EML4: variants seen among roughly 807,000 people sequenced by gnomAD.
The protein encoded by EML4 is EMAP like 4.
A neutral mutation model predicts 129.0 loss-of-function variants in EML4; 72 were observed. That is an observed-to-expected ratio of 0.56 (90% CI 0.46 to 0.68). The LOEUF (loss-of-function observed/expected upper bound fraction) is 0.68, where lower values mean the gene tolerates loss of function less well. Ranked by LOEUF, EML4 falls within the 30% of genes least tolerant of loss-of-function variation. EML4 has a pLI of 0.00. For missense variants in EML4, 1,363 were observed against 1,190.6 expected, an observed-to-expected ratio of 1.14 and a Z score of -2.13; for synonymous variants, 532 against 405.0, an observed-to-expected ratio of 1.31 and a Z score of -3.77.
chr2:42,212,139 C>T (rs1036180451), intron 1 of EML4, among the ~76,000 whole-genome samples: 7 of 152,102 alleles, frequency 4.6e-5, no homozygotes, highest in African/African-American at 1.7e-4. Context: ...AGCTACCGTG[C>T]CTGATCCCCA....
chr2:42,271,218 C>G (rs557948442), intron 6 of EML4, among the ~76,000 whole-genome samples: 2 of 152,298 alleles, frequency 1.3e-5, no homozygotes, highest in African/African-American at 4.8e-5. Context: ...CATACTGTCC[C>G]TTTTAATAAC....
chr2:42,297,153 G>A (rs1287770293), intron 13 of EML4, among the ~76,000 whole-genome samples: 3 of 152,116 alleles, frequency 2.0e-5, no homozygotes, highest in African/African-American at 4.8e-5. Context: ...TGGGTTGAGG[G>A]TTCTTAAAAA....
chr2:42,270,351 G>T (rs1189773858), intron 6 of EML4, among the ~76,000 whole-genome samples: 1 of 152,170 alleles, frequency 6.6e-6, no homozygotes, highest in Non-Finnish European at 1.5e-5. Flanking sequence ...TTGAGCTCAG[G>T]AGTTCAAGAT....
chr2:42,259,564 A>G (rs1158305342), intron 3 of EML4, among the ~76,000 whole-genome samples: 5 of 152,142 alleles, frequency 3.3e-5, no homozygotes, highest in Non-Finnish European at 4.4e-5. Context: ...TCTCTGATCA[A>G]ATTCCTTGTT....
chr2:42,210,107 C>G (rs1371110042), intron 1 of EML4, among the ~76,000 whole-genome samples: 1 of 152,130 alleles, frequency 6.6e-6, no homozygotes, highest in Non-Finnish European at 1.5e-5. Flanking sequence ...CCCAATAACA[C>G]ATTGTATTAA....
chr2:42,301,838 C>T (rs867128252), intron 14 of EML4, among the ~76,000 whole-genome samples: 4 of 152,050 alleles, frequency 2.6e-5, no homozygotes, highest in Non-Finnish European at 5.9e-5. Flanking sequence ...TAATCACAAC[C>T]TTCAGTTCAT....
Position 42,220,344 on chromosome 2 carries a change from T to A in EML4, c.26-25161T>A, listed in dbSNP as rs961332349. On this transcript the variant is annotated intron_variant, in intron 1 of 22. Coordinates refer to ENST00000318522, the MANE Select transcript of EML4 (RefSeq NM_019063.5). ...AGCATGTGTACCCACTTCATCTGTG[T>A]CACGTTTTGCTAGTTCTCACAGTAT... Among the ~76,000 whole-genome samples, 13 of 151,998 alleles carry A rather than the reference T, an allele frequency of 8.6e-5. No homozygotes were observed. The South Asian group carries it at 1.2e-3, about 15-fold the overall frequency.
chr2:42,209,747 C>T (rs1299237299), intron 1 of EML4, among the ~76,000 whole-genome samples: 2 of 152,040 alleles, frequency 1.3e-5, no homozygotes, highest in Admixed American at 6.5e-5. Flanking sequence ...CTGACCAACA[C>T]GGAGAAACCC....
chr2:42,280,828 C>G (rs376450332), intron 6 of EML4, 22 bp from the exon 7 acceptor site: 14 of 1,588,590 alleles, frequency 8.8e-6, no homozygotes, highest in African/African-American at 5.4e-5. Flanking sequence ...TATGACTTAA[C>G]TTTTGTCTTG....
At chr2:42,182,519 C>A (rs1389638535) in intron 1 of EML4, among the ~76,000 whole-genome samples, 3 of 152,154 alleles carry the variant, frequency 2.0e-5, no homozygotes, top group Non-Finnish European at 4.4e-5. Context: ...GACCTCCTTA[C>A]ACACTTGCCT....
intron 1 of EML4, among the ~76,000 whole-genome samples, chr2:42,206,105 G>A (rs558361346): frequency 6.6e-5 from 10 of 152,216 alleles, no homozygotes; most frequent in Middle Eastern, 6.8e-3. Flanking sequence ...ACGTTTGTAC[G>A]ACATTTTTAA....
chr2:42,230,626 A>G (rs1219099787), intron 1 of EML4, among the ~76,000 whole-genome samples: 1 of 152,054 alleles, frequency 6.6e-6, no homozygotes, highest in African/African-American at 2.4e-5. Flanking sequence ...GGCTGGTCTC[A>G]AACTCCTGAC....
At chr2:42,260,609 A>G (rs767665518) in intron 3 of EML4, among the ~76,000 whole-genome samples, 2 of 152,258 alleles carry the variant, frequency 1.3e-5, no homozygotes, top group African/African-American at 2.4e-5. Flanking sequence ...ATTAACTTAC[A>G]TAATTAAAAT....
chr2:42,233,376 G>C (rs180798071), intron 1 of EML4, among the ~76,000 whole-genome samples: 1 of 150,834 alleles, frequency 6.6e-6, no homozygotes, highest in Non-Finnish European at 1.5e-5. Flanking sequence ...CGCGATCTCA[G>C]CTCCCTGCAA....
Position 42,245,496 on chromosome 2 carries a change from A to T in EML4, c.26-9A>T. 1 of 1,583,998 alleles carries T rather than the reference A, an allele frequency of 6.3e-7. No homozygotes were observed. The highest frequency in any genetic ancestry group is 1.7e-4 in the Middle Eastern group (1 of 6,002). ...TTAAAAATATTCCATATTTTATTTT[A>T]TTTTATAGATGATAGTATTTCTGCT... On this transcript the variant is annotated splice_polypyrimidine_tract_variant and intron_variant, in intron 1 of 22. Coordinates refer to ENST00000318522, the MANE Select transcript of EML4 (RefSeq NM_019063.5).
chr2:42,256,376 T>C (rs1373951293), intron 2 of EML4, 125 bp from the exon 3 acceptor site: 6 of 880,032 alleles, frequency 6.8e-6, no homozygotes, highest in Non-Finnish European at 1.0e-5. Flanking sequence ...TCAAGAGTTA[T>C]AAACAATAAT....
chr2:42,293,904 C>T (rs1246472634), intron 11 of EML4, among the ~76,000 whole-genome samples: 2 of 152,228 alleles, frequency 1.3e-5, no homozygotes, highest in Non-Finnish European at 1.5e-5. Context: ...CCACCACGCC[C>T]GGCCCATGTT....
At chr2:42,251,078 A>G (rs1325329732) in intron 2 of EML4, among the ~76,000 whole-genome samples, 1 of 152,176 alleles carries the variant, frequency 6.6e-6, no homozygotes, top group African/African-American at 2.4e-5. Flanking sequence ...GTGGTTGTAA[A>G]TACAGATGAA....
At chr2:42,235,015 G>A (rs1203074227) in intron 1 of EML4, among the ~76,000 whole-genome samples, 1 of 152,088 alleles carries the variant, frequency 6.6e-6, no homozygotes, top group East Asian at 1.9e-4. Context: ...AAATTAGCGG[G>A]TCAGGCATGG....
Sources: allele counts gnomAD v4.1 joint callset (sites outside exome capture counted in the v4.1 genomes callset), GRCh38; gene constraint gnomAD v4.1.1; transcripts MANE v1.5; gene names NCBI Gene and HGNC (gene_info 2026-07-23, HGNC 2026-07-21).